The following TMEM64 variants were observed in gnomAD, a reference collection of about 807,000 sequenced individuals.
The protein encoded by TMEM64 is transmembrane protein 64.
Under a neutral mutation model 24.5 loss-of-function variants are expected in TMEM64, and 19 were observed. The ratio of observed to expected loss-of-function variants is 0.78; its 90% CI spans 0.54 to 1.14. TMEM64 has a LOEUF of 1.14. Ranked by LOEUF, TMEM64 falls within the 50% of genes most tolerant of loss-of-function variation. The pLI is 0.00. For synonymous variants in TMEM64, 262 were observed against 224.7 expected, an observed-to-expected ratio of 1.17 and a Z score of -1.49; for missense variants, 487 against 493.0, an observed-to-expected ratio of 0.99 and a Z score of 0.12.
Position 90,625,638 on chromosome 8 carries a change from C to T in TMEM64, c.*33G>A. On this transcript the variant is annotated 3_prime_UTR_variant, in exon 3 of 3. Transcript: ENST00000458549. The stretch of plus-strand genomic sequence containing the variant: ...TGACTGCTAGACCTTAGATAGCACA[C>T]TAGGCTCTTGACAATCACGTATCTC... The T allele has an allele frequency of 3.2e-6, 5 of 1,584,242 alleles. No homozygotes were observed. The highest frequency in any genetic ancestry group is 3.5e-6 in the Non-Finnish European group (4 of 1,157,830).
Position 90,645,832 on chromosome 8 carries a change from G to A in TMEM64, c.74C>T (p.Ala25Val). The change falls in exon 1 of 3, where the codon GCC becomes GTC. Residue 25 changes from alanine (A) to valine (V), a missense_variant. Ala to Val is a moderately conservative substitution (Grantham distance 64). Coordinates refer to ENST00000458549, the MANE Select transcript of TMEM64 (RefSeq NM_001008495.4). The surrounding 1 kb of genome is among the most constrained non-coding windows in gnomAD (Gnocchi z 4.2). ...LLQHAALPGL[A>V]ELPARWALPR... The stretch of plus-strand genomic sequence containing the variant: ...CAGGGCCCAGCGGGCCGGCAGCTCG[G>A]CGAGGCCCGGGAGGGCGGCGTGCTG... The A allele has an allele frequency of 1.6e-5, 17 of 1,083,424 alleles. No individual in the cohort carries two copies. Among genetic ancestry groups the A allele is most frequent in the Non-Finnish European group, 1.9e-5 (17 of 894,022 alleles). 67.1% of individuals were successfully genotyped at this position (1,083,424 alleles called of 1,614,324 possible). A position where few individuals can be genotyped will look rare whatever the true frequency, so the allele number is the denominator to read the frequency against.
intron 2 of TMEM64, among the ~76,000 whole-genome samples, chr8:90,627,649 T>G (rs530622738): frequency 6.6e-6 from 1 of 152,118 alleles, no homozygotes; most frequent in Non-Finnish European, 1.5e-5. Context: ...CGGAGGGTCT[T>G]GACCCAAATA....
intron 2 of TMEM64, among the ~76,000 whole-genome samples, chr8:90,630,606 T>A (rs193059854): frequency 4.8e-4 from 73 of 152,216 alleles, no homozygotes; most frequent in Middle Eastern, 3.4e-3. Flanking sequence ...AATATTCCCA[T>A]CATGGGCAAT....
chr8:90,631,254 A>G (rs568809101), intron 2 of TMEM64, among the ~76,000 whole-genome samples: 1 of 152,298 alleles, frequency 6.6e-6, no homozygotes, highest in East Asian at 1.9e-4. Context: ...ATCAAAATAC[A>G]GTATTTGATT....
Position 90,628,397 on chromosome 8 carries a change from G to A in TMEM64, c.952-2535C>T, listed in dbSNP as rs548222924. Among the ~76,000 whole-genome samples, 11 of 152,302 alleles carry A rather than the reference G, an allele frequency of 7.2e-5. No individual in the cohort carries two copies. In the East Asian group the frequency reaches 9.6e-4, roughly 13 times the overall value. On this transcript the variant is annotated intron_variant, in intron 2 of 2. Transcript: ENST00000458549. ...GCTGACAATAAAGATGGAAACAGGC[G>A]AAGGAGTCAAAATTGTGAGGAGAAG...
chr8:90,638,732 T>C (rs1334471497), intron 1 of TMEM64, among the ~76,000 whole-genome samples: 1 of 152,180 alleles, frequency 6.6e-6, no homozygotes, highest in East Asian at 1.9e-4. Context: ...TAGTTGCCAG[T>C]TTATAAACAA....
chr8:90,633,183 C>T (rs1025364518), intron 1 of TMEM64, among the ~76,000 whole-genome samples: 1 of 152,144 alleles, frequency 6.6e-6, no homozygotes, highest in Non-Finnish European at 1.5e-5. Flanking sequence ...AATTAGGTTA[C>T]AAAATGAATA....
At chr8:90,633,441 A>G (rs1389627757) in intron 1 of TMEM64, among the ~76,000 whole-genome samples, 4 of 152,236 alleles carry the variant, frequency 2.6e-5, no homozygotes, top group Non-Finnish European at 4.4e-5. Flanking sequence ...CTAGTTGCAC[A>G]GGAATTCCTG....
At chr8:90,643,742 A>G (rs962138117) in intron 1 of TMEM64, among the ~76,000 whole-genome samples, 3 of 152,204 alleles carry the variant, frequency 2.0e-5, no homozygotes, top group Non-Finnish European at 2.9e-5. Flanking sequence ...TCAAGTTTAT[A>G]TTTCATACTA....
Position 90,624,880 on chromosome 8 carries a change from T to G in TMEM64, c.*791A>C, listed in dbSNP as rs1191559859. On this transcript the variant is annotated 3_prime_UTR_variant, in exon 3 of 3. Coordinates refer to ENST00000458549, the MANE Select transcript of TMEM64 (RefSeq NM_001008495.4). ...AGTTTATTTTAACAAAATGTTTTAG[T>G]AAGATTGCAATGGGACAGCCCTTTG... 6.6e-6 allele frequency: 1 copy of G among 152,534 alleles called. No individual in the cohort carries two copies. The highest frequency in any genetic ancestry group is 1.9e-4 in the East Asian group (1 of 5,202). 9.4% of individuals were successfully genotyped at this position (152,534 alleles called of 1,614,324 possible). A position where few individuals can be genotyped will look rare whatever the true frequency, so the allele number is the denominator to read the frequency against.
At chr8:90,636,379 C>T (rs1809518244) in intron 1 of TMEM64, among the ~76,000 whole-genome samples, 1 of 152,284 alleles carries the variant, frequency 6.6e-6, no homozygotes. Context: ...CCTCAGCCTC[C>T]TGAGTAGCTG....
intron 1 of TMEM64, among the ~76,000 whole-genome samples, chr8:90,638,808 G>GA (rs1169416962): frequency 2.0e-5 from 3 of 152,026 alleles, no homozygotes; most frequent in South Asian, 2.1e-4. Context: ...CAAACACACA[G>GA]AAAAAATGTT....
At chr8:90,641,563 T>A (rs1479987252) in intron 1 of TMEM64, among the ~76,000 whole-genome samples, 1 of 152,218 alleles carries the variant, frequency 6.6e-6, no homozygotes, top group East Asian at 1.9e-4. Flanking sequence ...GGAATCAGGA[T>A]GTGTCTGGGA....
At chr8:90,626,443 G>A (rs1809360513) in intron 2 of TMEM64, among the ~76,000 whole-genome samples, 1 of 151,998 alleles carries the variant, frequency 6.6e-6, no homozygotes, top group Non-Finnish European at 1.5e-5. Flanking sequence ...AAAATCAGAG[G>A]AAAACATGAT....
intron 1 of TMEM64, among the ~76,000 whole-genome samples, chr8:90,644,156 C>T (rs750732998): frequency 5.3e-5 from 8 of 152,154 alleles, no homozygotes; most frequent in Non-Finnish European, 1.2e-4. Context: ...GGTTAAGTTC[C>T]TGGGAATCTA....
intron 2 of TMEM64, among the ~76,000 whole-genome samples, chr8:90,629,351 T>C (rs1809406873): frequency 6.6e-6 from 1 of 152,290 alleles, no homozygotes; most frequent in South Asian, 2.1e-4. Context: ...ATGAACTTCA[T>C]TGACTATAGT....
chr8:90,627,879 G>C (rs1809381537), intron 2 of TMEM64, among the ~76,000 whole-genome samples: 3 of 152,108 alleles, frequency 2.0e-5, no homozygotes, highest in South Asian at 4.2e-4. Context: ...AGGAGTCTTA[G>C]ACTACTAACA....
Position 90,625,282 on chromosome 8 carries a change from C to T in TMEM64, c.*389G>A, listed in dbSNP as rs1417463491. 6.4e-6 allele frequency: 1 copy of T among 155,644 alleles called. No individual in the cohort carries two copies. Among genetic ancestry groups the T allele is most frequent in the African/African-American group, 2.4e-5 (1 of 41,548 alleles). 9.6% of individuals were successfully genotyped at this position (155,644 alleles called of 1,614,324 possible). A position where few individuals can be genotyped will look rare whatever the true frequency, so the allele number is the denominator to read the frequency against. ...ATCCAATAATATTATAAATTTAAAA[C>T]TGCATACTTTTACTCATCTTTACAA... On this transcript the variant is annotated 3_prime_UTR_variant, in exon 3 of 3. Transcript: ENST00000458549.
chr8:90,640,692 A>G (rs1809591231), intron 1 of TMEM64, among the ~76,000 whole-genome samples: 1 of 152,254 alleles, frequency 6.6e-6, no homozygotes, highest in African/African-American at 2.4e-5. Flanking sequence ...CTAAATTAGT[A>G]AAAGTAATTT....
Sources: allele counts gnomAD v4.1 joint callset (sites outside exome capture counted in the v4.1 genomes callset), GRCh38; gene constraint gnomAD v4.1.1; non-coding constraint Gnocchi (gnomAD v3.1); transcripts MANE v1.5; gene names NCBI Gene and HGNC (gene_info 2026-07-23, HGNC 2026-07-21).